ITFG2: variants seen among roughly 807,000 people sequenced by gnomAD.
The protein encoded by ITFG2 is integrin alpha FG-GAP repeat containing 2.
Under a neutral mutation model 54.4 loss-of-function variants are expected in ITFG2, and 36 were observed. The ratio of observed to expected loss-of-function variants is 0.66; its 90% CI spans 0.51 to 0.87. The LOEUF (loss-of-function observed/expected upper bound fraction) is 0.87, where lower values mean the gene tolerates loss of function less well. ITFG2 is among the 40% of genes least tolerant of loss of function. The pLI, the probability that ITFG2 is intolerant of heterozygous loss-of-function variation, is 0.00. For missense variants in ITFG2, 524 were observed against 576.7 expected (o/e 0.91, Z 0.94); for synonymous variants, 211 against 225.4 (o/e 0.94, Z 0.57).
chr12:2,850,261 G>A (rs564200658), intron 2 of ITFG2, among the ~76,000 whole-genome samples: 6 of 152,160 alleles, frequency 3.9e-5, no homozygotes, highest in African/African-American at 1.4e-4. Context: ...GGATCACAAG[G>A]TCAAGAGTTC....
chr12:2,851,161 C>A (rs1246106836), intron 2 of ITFG2, among the ~76,000 whole-genome samples: 1 of 149,182 alleles, frequency 6.7e-6, no homozygotes, highest in Non-Finnish European at 1.5e-5. Flanking sequence ...GAAACTCCAT[C>A]TGAAAAAAAA....
chr12:2,827,252 G>T (rs1394534533), downstream of ITFG2: 1 of 1,614,008 alleles, frequency 6.2e-7, no homozygotes, highest in African/African-American at 1.3e-5. This position sits in a 1 kb window ranked among gnomAD's most constrained non-coding sequence, Gnocchi z 4.0. Context: ...GTAGCTCTGA[G>T]AACGGGGCTT....
intron 2 of ITFG2, chr12:2,857,205 A>G: frequency 1.6e-6 from 1 of 628,538 alleles, no homozygotes; most frequent in South Asian, 1.8e-5. Context: ...CAGGTTAGAC[A>G]GGCAGGGGAT....
In ITFG2 at chr12:2,824,948, G is replaced by T. The variant is rs958435324; in HGVS notation, c.*755G>T. 1 of 152,072 alleles carries T rather than the reference G, an allele frequency of 6.6e-6. No homozygotes were observed. The highest frequency in any genetic ancestry group is 6.5e-5 in the Admixed American group (1 of 15,274). 9.4% of individuals were successfully genotyped at this position (152,072 alleles called of 1,614,324 possible). A position where few individuals can be genotyped will look rare whatever the true frequency, so the allele number is the denominator to read the frequency against. On this transcript the variant is annotated 3_prime_UTR_variant, in exon 12 of 12. Coordinates refer to ENST00000228799, the MANE Select transcript of ITFG2 (RefSeq NM_018463.4). The stretch of plus-strand genomic sequence containing the variant: ...TTATATCTTGGGTCATTTATGTGCC[G>T]TCTGTTCTTGATTCTCTATGCTCTA...
At chr12:2,818,488 T>G (rs1037490026) in intron 4 of ITFG2, 7 of 895,524 alleles carry the variant, frequency 7.8e-6, no homozygotes, top group Non-Finnish European at 1.1e-5. Flanking sequence ...TGGGCCTTAT[T>G]ATGAAGAAAC....
At chr12:2,851,539 C>G (rs921064330) in intron 2 of ITFG2, among the ~76,000 whole-genome samples, 2 of 151,846 alleles carry the variant, frequency 1.3e-5, no homozygotes, top group Non-Finnish European at 2.9e-5. Context: ...GACAGGGTTT[C>G]GCCATGGTGG....
At chr12:2,818,343 A>C in intron 4 of ITFG2, 66 bp downstream of exon 4, 1 of 1,596,268 alleles carries the variant, frequency 6.3e-7, no homozygotes, top group Non-Finnish European at 8.5e-7. Context: ...AGCATATCCC[A>C]AGGGATTGGG....
At chr12:2,850,079 A>G (rs575015588) in intron 2 of ITFG2, among the ~76,000 whole-genome samples, 2 of 152,152 alleles carry the variant, frequency 1.3e-5, no homozygotes, top group Non-Finnish European at 2.9e-5. Context: ...CTGGCTGCAC[A>G]TTACAATCAC....
At chr12:2,828,298 G>A (rs370205024), downstream of ITFG2, 15 of 1,581,464 alleles carry the variant, frequency 9.5e-6, no homozygotes, top group African/African-American at 2.0e-4. Context: ...AAGAAACCCT[G>A]TCCCCCACTT....
chr12:2,821,626 C>A (rs749754153), intron 8 of ITFG2, 30 bp downstream of exon 8: 1 of 1,613,904 alleles, frequency 6.2e-7, no homozygotes, highest in Non-Finnish European at 8.5e-7. Flanking sequence ...GGTGTGGGGG[C>A]TGTATGCCTG....
chr12:2,828,168 A>G, downstream of ITFG2: 1 of 1,183,006 alleles, frequency 8.5e-7, no homozygotes, highest in South Asian at 1.3e-5. Context: ...CGTGGGGTCT[A>G]AATCCTTGCC....
intron 1 of ITFG2, among the ~76,000 whole-genome samples, chr12:2,814,287 A>C (rs1028791027): frequency 6.6e-6 from 1 of 152,208 alleles, no homozygotes; most frequent in Non-Finnish European, 1.5e-5. Flanking sequence ...TCAGATATAC[A>C]TTATTTTCCA....
intron 9 of ITFG2, among the ~76,000 whole-genome samples, chr12:2,822,329 C>T (rs1336551982): frequency 6.6e-6 from 1 of 152,194 alleles, no homozygotes; most frequent in African/African-American, 2.4e-5. Context: ...ATTTCCATAA[C>T]TTCAGCAGAA....
intron 2 of ITFG2, chr12:2,855,015 C>G (rs1014033195): frequency 3.3e-6 from 5 of 1,536,064 alleles, no homozygotes; most frequent in Non-Finnish European, 3.5e-6. Context: ...TGAAAATCAC[C>G]TGCTTCTTCC....
intron 3 of ITFG2, chr12:2,859,405 G>T: frequency 6.2e-7 from 1 of 1,614,066 alleles, no homozygotes; most frequent in Non-Finnish European, 8.5e-7. Flanking sequence ...CTTGGGGTGG[G>T]AGATTGGGAC....
At position 2,817,239 on chromosome 12, in the gene ITFG2, TG is replaced by T; in HGVS notation, c.116del (p.Gly39GlufsTer27). The T allele has an allele frequency of 6.2e-7, 1 of 1,612,828 alleles. No homozygotes were observed. On this transcript the variant is annotated frameshift_variant, in exon 2 of 12. Transcript: ENST00000228799. LOFTEE classifies it high-confidence loss of function. ...VDNDTLNELV[V>X]GDTSGKVSVY... is the part of the protein sequence containing the mutation. ...CATTTGAAGTTAAATGAACTGGTGG[TG>T]GGAGACACCAGCGGGAAGGTGTCTG...
At chr12:2,849,461 A>C in intron 2 of ITFG2, 1 of 1,536,166 alleles carries the variant, frequency 6.5e-7, no homozygotes, top group Non-Finnish European at 8.7e-7. Context: ...TTATTGGGAA[A>C]CGGGTTGGGC....
chr12:2,828,132 G>A (rs11062370), downstream of ITFG2: 194,735 of 1,345,540 alleles, frequency 0.14, 16,104 homozygotes, highest in South Asian at 0.31. Context: ...TCTCTACTAT[G>A]GTTTCATCTC....
At chr12:2,832,690 T>C (rs1429990219), upstream of ITFG2, among the ~76,000 whole-genome samples, 4 of 150,552 alleles carry the variant, frequency 2.7e-5, no homozygotes, top group East Asian at 2.0e-4. Flanking sequence ...CCCATTAGCC[T>C]GGAGAGCGCT....
Sources: gnomAD v4.1 joint callset for allele counts (sites outside exome capture counted in the v4.1 genomes callset) on GRCh38, gnomAD v4.1.1 for gene constraint, Gnocchi (gnomAD v3.1) non-coding constraint, MANE v1.5 for transcripts, NCBI Gene and HGNC (gene_info 2026-07-23, HGNC 2026-07-21) for gene names.